ZNF280D: variants seen among roughly 807,000 people sequenced by gnomAD.
The protein encoded by ZNF280D is suppressor of hairy wing homolog 4.
ZNF280D carries 39 observed loss-of-function variants against 94.7 expected under a neutral mutation model. That is an observed-to-expected ratio of 0.41 (90% confidence interval 0.32 to 0.54). The LOEUF (loss-of-function observed/expected upper bound fraction) is 0.54. Among genes scored for constraint, ZNF280D ranks in the 20% least tolerant of loss-of-function variants. The pLI is 0.22. For synonymous variants in ZNF280D, 398 were observed against 377.6 expected, an observed-to-expected ratio of 1.05 and a Z score of -0.63; for missense variants, 1,090 against 1,149.3, an observed-to-expected ratio of 0.95 and a Z score of 0.75.
At chr15:56,727,060 A>C (rs2058664224) in intron 1 of ZNF280D, among the ~76,000 whole-genome samples, 2 of 152,226 alleles carry the variant, frequency 1.3e-5, no homozygotes, top group African/African-American at 4.8e-5. Flanking sequence ...TGACTAGAAA[A>C]AATGGGAGAA....
At chr15:56,639,468 T>C (rs1381053803) in intron 20 of ZNF280D, among the ~76,000 whole-genome samples, 2 of 151,986 alleles carry the variant, frequency 1.3e-5, no homozygotes, top group African/African-American at 4.8e-5. Flanking sequence ...AGATGCCTAA[T>C]ACAATGAATG....
At chr15:56,669,417 G>C (rs1412844456) in intron 13 of ZNF280D, among the ~76,000 whole-genome samples, 3 of 152,034 alleles carry the variant, frequency 2.0e-5, no homozygotes, top group African/African-American at 7.2e-5. Flanking sequence ...TTATTTTATA[G>C]AAGTGGTTAC....
At chr15:56,715,556 G>A (rs1257132155) in intron 1 of ZNF280D, among the ~76,000 whole-genome samples, 2 of 152,090 alleles carry the variant, frequency 1.3e-5, no homozygotes, top group Non-Finnish European at 2.9e-5. Context: ...TTATGCATGA[G>A]TAGAGAGTAT....
chr15:56,654,256 T>C (rs758414565), intron 18 of ZNF280D, 22 bp from the exon 19 acceptor site: 39 of 1,609,852 alleles, frequency 2.4e-5, no homozygotes, highest in Middle Eastern at 1.6e-4. Context: ...AGAAAAGTTT[T>C]ACATTTACAA....
chr15:56,670,810 AG>A (rs1202485120), intron 13 of ZNF280D, among the ~76,000 whole-genome samples: 1 of 152,076 alleles, frequency 6.6e-6, no homozygotes, highest in Admixed American at 6.6e-5. Context: ...ACAGTATAAA[AG>A]CACTCCTTTG....
At position 56,668,938 on chromosome 15, in the gene ZNF280D, C is replaced by A; in HGVS notation, c.1430G>T (p.Cys477Phe). 6.2e-7 allele frequency: 1 copy of A among 1,610,022 alleles called. No homozygotes were observed. The highest frequency in any genetic ancestry group is 2.2e-5 in the East Asian group (1 of 44,620). ...MKHQKKGIHR[C>F]TKCRLQFLTC... is the part of the protein sequence containing the mutation. ...CAAAAACTGCAGCCTGCATTTTGTA[C>A]AACGATGTATTCCTTTTTTCTGTTT... The change falls in exon 14 of 22, where the codon TGT (cysteine) becomes TTT (phenylalanine). Residue 477 changes from cysteine (C) to phenylalanine (F), a missense_variant. Cys to Phe is a radical substitution (Grantham distance 205). This residue lies in a region of ZNF280D where 127 missense variants were observed against 208.6 expected (regional missense o/e 0.61). Transcript: ENST00000267807.
At chr15:56,707,986 T>C (rs1163735108) in intron 1 of ZNF280D, among the ~76,000 whole-genome samples, 10 of 152,062 alleles carry the variant, frequency 6.6e-5, no homozygotes, top group African/African-American at 2.4e-4. Flanking sequence ...AAACTGGGAA[T>C]CTGTTTTTTG....
intron 1 of ZNF280D, among the ~76,000 whole-genome samples, chr15:56,723,948 C>G (rs139442236): frequency 3.3e-5 from 5 of 152,154 alleles, no homozygotes; most frequent in African/African-American, 1.2e-4. Flanking sequence ...TTACATTAGC[C>G]TGTGGTTGGG....
At chr15:56,634,362 G>A (rs896461419) in intron 21 of ZNF280D, among the ~76,000 whole-genome samples, 2 of 151,940 alleles carry the variant, frequency 1.3e-5, no homozygotes, top group African/African-American at 2.4e-5. Flanking sequence ...TACAATTTAC[G>A]TAAAATGTTA....
chr15:56,676,238 T>C (rs1163402550), intron 13 of ZNF280D, among the ~76,000 whole-genome samples: 3 of 152,138 alleles, frequency 2.0e-5, no homozygotes, highest in African/African-American at 7.2e-5. Context: ...GGTTAGAAAG[T>C]TGAAATAAAG....
chr15:56,704,324 T>A, intron 3 of ZNF280D, 57 bp from the exon 4 acceptor site: 1 of 1,477,536 alleles, frequency 6.8e-7, no homozygotes, highest in Non-Finnish European at 9.1e-7. Context: ...ATAAAAACAT[T>A]TTTGTAATAC....
At position 56,700,945 on chromosome 15, in the gene ZNF280D, A is replaced by T. The variant is rs2057026404; in HGVS notation, c.369T>A (p.Pro123=). Residue 123 remains proline (P), a synonymous_variant, in exon 6 of 22, where the codon CCT becomes CCA. Transcript: ENST00000267807. ...RSSDSSVIVQ[P]FSKPGYITNS... ...TAGAAACACTTACAGGTTTAGAAAA[A>T]GGCTGAACAATAACAGAACTATCTG... 1 of 1,613,796 alleles carries T rather than the reference A, an allele frequency of 6.2e-7. No individual in the cohort carries two copies. Among genetic ancestry groups the T allele is most frequent in the African/African-American group, 1.3e-5 (1 of 74,924 alleles).
In ZNF280D at chr15:56,669,974, A is replaced by AAT. The variant is rs1555407672; in HGVS notation, c.1411-1019_1411-1018dup. On this transcript the variant is annotated intron_variant, in intron 13 of 21. Coordinates refer to ENST00000267807, the MANE Select transcript of ZNF280D (RefSeq NM_017661.4). ...TTATATATATATATTATATATATATAATATATATATTATATATATATATTA... is the reference window on the plus strand; with the variant it reads ...TTATATATATATATTATATATATATAATATATATATATTATATATATATATTA... Among the ~76,000 whole-genome samples the AAT allele has an allele frequency of 6.4e-3, 5 of 782 alleles. 1 individual carries two copies. Among genetic ancestry groups the AAT allele is most frequent in the African/African-American group, 8.9e-3 (3 of 336 alleles). 0.5% of individuals were successfully genotyped at this position (782 alleles called of 152,430 possible). A position where few individuals can be genotyped will look rare whatever the true frequency, so the allele number is the denominator to read the frequency against.
chr15:56,674,152 G>C (rs1308213199), intron 13 of ZNF280D, among the ~76,000 whole-genome samples: 2 of 152,046 alleles, frequency 1.3e-5, no homozygotes, highest in Non-Finnish European at 2.9e-5. Context: ...CAGAAAGCAA[G>C]AGATTAACAG....
At chr15:56,724,355 G>A (rs1239524038) in intron 1 of ZNF280D, among the ~76,000 whole-genome samples, 2 of 152,160 alleles carry the variant, frequency 1.3e-5, no homozygotes, top group Non-Finnish European at 2.9e-5. Context: ...GCAGAGCTCG[G>A]TTAGGTTATC....
At chr15:56,632,993 G>A (rs762141697) in intron 21 of ZNF280D, among the ~76,000 whole-genome samples, 13 of 151,954 alleles carry the variant, frequency 8.6e-5, no homozygotes, top group Non-Finnish European at 1.8e-4. Flanking sequence ...GTGTGCTTCT[G>A]TGTGTTTCTT....
At chr15:56,728,560 T>C (rs2058738359) in intron 1 of ZNF280D, among the ~76,000 whole-genome samples, 1 of 152,176 alleles carries the variant, frequency 6.6e-6, no homozygotes, top group South Asian at 2.1e-4. Context: ...ATTTTGATGA[T>C]GTACATGCAA....
rs1284870265 is a variant in ZNF280D at position 56,668,702 on chromosome 15, T to C, written c.1545+121A>G. ...TCCTTCTACACATAAAATTAAAACC[T>C]AAAATTAGAGTCTGAGCAAAAATCT... On this transcript the variant is annotated intron_variant, in intron 14 of 21. Coordinates refer to ENST00000267807, the MANE Select transcript of ZNF280D (RefSeq NM_017661.4). The C allele has an allele frequency of 9.4e-6, 9 of 955,162 alleles. No individual in the cohort carries two copies. The African/African-American group carries it at 1.4e-4, about 15-fold the overall frequency. 59.2% of individuals were successfully genotyped at this position (955,162 alleles called of 1,614,324 possible). A position where few individuals can be genotyped will look rare whatever the true frequency, so the allele number is the denominator to read the frequency against.
At position 56,668,973 on chromosome 15, in the gene ZNF280D, C is replaced by G. The variant is rs373757357; in HGVS notation, c.1411-16G>C. Reference sequence around the variant, plus strand: ...TTCCTTTTTTCTGTTTAGAAAAAAACAGAAAAAGGGGGAAAAATAATTTCA... The same window carrying G: ...TTCCTTTTTTCTGTTTAGAAAAAAAGAGAAAAAGGGGGAAAAATAATTTCA... On this transcript the variant is annotated splice_polypyrimidine_tract_variant and intron_variant, in intron 13 of 21. Transcript: ENST00000267807. 175 of 1,591,990 alleles carry G rather than the reference C, an allele frequency of 1.1e-4. No individual in the cohort carries two copies. Among genetic ancestry groups the G allele is most frequent in the Non-Finnish European group, 1.4e-4 (167 of 1,172,718 alleles).
Sources: gnomAD v4.1 joint callset for allele counts (sites outside exome capture counted in the v4.1 genomes callset) on GRCh38, gnomAD v4.1.1 for gene constraint, gnomAD v4.1.1 regional missense constraint, MANE v1.5 for transcripts, NCBI Gene and HGNC (gene_info 2026-07-23, HGNC 2026-07-21) for gene names.